SLC44A5: variants seen among roughly 807,000 people sequenced by gnomAD.
SLC44A5 encodes solute carrier family 44 member 5.
Under a neutral mutation model 101.8 loss-of-function variants are expected in SLC44A5, and 57 were observed. That is an observed-to-expected ratio of 0.56 (90% CI 0.45 to 0.70). The LOEUF is 0.70. SLC44A5 is among the 30% of genes least tolerant of loss of function. The pLI is 0.00. For missense variants in SLC44A5, 737 were observed against 853.1 expected (o/e 0.86, Z 1.70); for synonymous variants, 281 against 290.9 (o/e 0.97, Z 0.35).
chr1:75,699,837 A>G, the SLC44A5 span, among the ~76,000 whole-genome samples: 6 of 152,122 alleles, frequency 3.9e-5, no homozygotes, highest in Non-Finnish European at 7.3e-5. Flanking sequence ...GAAAACAAAA[A>G]AAGGCAGGGG....
chr1:75,677,716 C>T, the SLC44A5 span: 1 of 435,400 alleles, frequency 2.3e-6, no homozygotes, highest in South Asian at 1.6e-5. Context: ...AGACCCAGTG[C>T]AATCATCTGT....
chr1:75,691,305 A>G, the SLC44A5 span, among the ~76,000 whole-genome samples: 1 of 152,152 alleles, frequency 6.6e-6, no homozygotes, highest in Non-Finnish European at 1.5e-5. Context: ...GATAGCAATG[A>G]GATTTTTGAG....
intron 3 of SLC44A5, among the ~76,000 whole-genome samples, chr1:75,346,575 G>T (rs1420323722): frequency 6.6e-6 from 1 of 152,134 alleles, no homozygotes; most frequent in Admixed American, 6.6e-5. Context: ...CAGTGAATTT[G>T]TGCTATAGAA....
rs17096746 is a variant in SLC44A5, at chr1:75,321,994, A to G, written c.101+17588T>C. On this transcript the variant is annotated intron_variant, in intron 4 of 23. Coordinates refer to ENST00000370859, the MANE Select transcript of SLC44A5 (RefSeq NM_001130058.2). The stretch of plus-strand genomic sequence containing the variant: ...TCTCCACAATGTAACTACTTCTTGC[A>G]TTGCTTTAAAAATTGATCTTTAAAA... 9.3e-3 allele frequency among the ~76,000 whole-genome samples: 1,420 copies of G among 152,250 alleles called. 30 individuals carry two copies. The highest frequency in any genetic ancestry group is 0.033 in the African/African-American group (1,355 of 41,546).
chr1:75,374,991 A>G (rs1483173954), intron 3 of SLC44A5, among the ~76,000 whole-genome samples: 1 of 152,276 alleles, frequency 6.6e-6, no homozygotes, highest in African/African-American at 2.4e-5. Context: ...CTATCTCTCC[A>G]GCAATGGATC....
At chr1:75,454,108 T>C (rs1441188628) in intron 2 of SLC44A5, among the ~76,000 whole-genome samples, 2 of 151,952 alleles carry the variant, frequency 1.3e-5, no homozygotes, top group Non-Finnish European at 1.5e-5. Context: ...AAGAAAACTA[T>C]AGGCCAATAT....
At chr1:75,297,989 C>T (rs1425559667) in intron 5 of SLC44A5, among the ~76,000 whole-genome samples, 1 of 152,190 alleles carries the variant, frequency 6.6e-6, no homozygotes, top group Non-Finnish European at 1.5e-5. Context: ...ACAAAAATGT[C>T]TCTTCCATGG....
rs562798886 is a variant in SLC44A5 at position 75,385,139 on chromosome 1, T to C, written c.52+11444A>G. Among the ~76,000 whole-genome samples, 215 of 150,484 alleles carry C rather than the reference T, an allele frequency of 1.4e-3. 1 individual carries two copies. Among genetic ancestry groups the C allele is most frequent in the African/African-American group, 4.9e-3 (201 of 40,716 alleles). On this transcript the variant is annotated intron_variant, in intron 3 of 23. Transcript: ENST00000370859. ...CAAAATTGACACCCTAACATCACAA[T>C]TAAAAGAACTAGAAAAGCAAGAGCA...
intron 23 of SLC44A5, 99 bp from the exon 24 acceptor site, chr1:75,203,932 CTTTTGTTGTTTT>C: frequency 1.1e-6 from 1 of 902,154 alleles, no homozygotes; most frequent in Admixed American, 9.0e-5. Flanking sequence ...GTTCAAAATC[CTTTTGTTGTTTT>C]TTTTTTGTTG....
At chr1:75,409,588 G>C (rs1437334028) in intron 2 of SLC44A5, among the ~76,000 whole-genome samples, 1 of 152,030 alleles carries the variant, frequency 6.6e-6, no homozygotes, top group African/African-American at 2.4e-5. Context: ...ATAATATTTA[G>C]AGAGTTTTGG....
chr1:75,281,651 C>CCCT (rs1652594101), intron 5 of SLC44A5, among the ~76,000 whole-genome samples: 11 of 84,918 alleles, frequency 1.3e-4, no homozygotes, highest in Middle Eastern at 5.5e-3. Flanking sequence ...CCCCCCCCCC[C>CCCT]GCTGCATTTA....
At chr1:75,525,616 GA>G (rs1320169433) in intron 2 of SLC44A5, among the ~76,000 whole-genome samples, 3 of 151,880 alleles carry the variant, frequency 2.0e-5, no homozygotes, top group Admixed American at 1.3e-4. Flanking sequence ...AACTTTGTTT[GA>G]AAAAAAGAGA....
chr1:75,506,574 C>T (rs1669271251), intron 2 of SLC44A5, among the ~76,000 whole-genome samples: 1 of 152,050 alleles, frequency 6.6e-6, no homozygotes, highest in African/African-American at 2.4e-5. Context: ...ATTGGATGTA[C>T]TCCTTGGTAT....
the SLC44A5 span, among the ~76,000 whole-genome samples, chr1:75,689,834 C>A: frequency 1.2e-4 from 18 of 152,192 alleles, no homozygotes; most frequent in Admixed American, 6.5e-5. Context: ...AATCTTTGGT[C>A]CTTGCTTGTT....
At chr1:75,493,042 A>G (rs1668503179) in intron 2 of SLC44A5, among the ~76,000 whole-genome samples, 1 of 152,230 alleles carries the variant, frequency 6.6e-6, no homozygotes, top group African/African-American at 2.4e-5. Context: ...TGACCTCATC[A>G]TGTGAAGAGT....
At chr1:75,268,188 T>C (rs987882343) in intron 6 of SLC44A5, among the ~76,000 whole-genome samples, 18 of 152,122 alleles carry the variant, frequency 1.2e-4, no homozygotes, top group African/African-American at 3.9e-4. Flanking sequence ...TGGTGTATCA[T>C]AGGGTCACTC....
At chr1:75,720,873 G>T in the SLC44A5 span, among the ~76,000 whole-genome samples, 2 of 151,920 alleles carry the variant, frequency 1.3e-5, no homozygotes, top group African/African-American at 4.8e-5. Context: ...GGGGGTAGGC[G>T]GGGGGAGGTT....
Position 75,254,808 on chromosome 1 carries a change from T to C in SLC44A5, c.261-3514A>G, listed in dbSNP as rs144469058. The stretch of plus-strand genomic sequence containing the variant: ...CAGAGAGATTAATCGAAAGTTTCTT[T>C]ACAGATTTTCAGTGCAAATCAGAAC... On this transcript the variant is annotated intron_variant, in intron 6 of 23. Coordinates refer to ENST00000370859, the MANE Select transcript of SLC44A5 (RefSeq NM_001130058.2). Among the ~76,000 whole-genome samples, 370 of 152,248 alleles carry C rather than the reference T, an allele frequency of 2.4e-3. 3 individuals are homozygous for C. Among genetic ancestry groups the C allele is most frequent in the African/African-American group, 8.0e-3 (333 of 41,500 alleles).
At chr1:75,373,866 G>T (rs1272046000) in intron 3 of SLC44A5, among the ~76,000 whole-genome samples, 1 of 152,078 alleles carries the variant, frequency 6.6e-6, no homozygotes, top group Non-Finnish European at 1.5e-5. Context: ...CTACCCCCCA[G>T]GATTCAAGCA....
Sources: gnomAD v4.1 joint callset for allele counts (sites outside exome capture counted in the v4.1 genomes callset) on GRCh38, gnomAD v4.1.1 for gene constraint, MANE v1.5 for transcripts, NCBI Gene and HGNC (gene_info 2026-07-23, HGNC 2026-07-21) for gene names.